HCRTR1: variants seen among roughly 807,000 people sequenced by gnomAD.
HCRTR1 encodes hypocretin receptor 1.
Under a neutral mutation model 40.6 loss-of-function variants are expected in HCRTR1, and 28 were observed. That is an observed-to-expected ratio of 0.69 (90% CI 0.51 to 0.95). The LOEUF is 0.95. Among genes scored for constraint, HCRTR1 ranks in the 40% least tolerant of loss-of-function variants. The pLI is 0.00. For synonymous variants in HCRTR1, 209 were observed against 230.0 expected (o/e 0.91, Z 0.83); for missense variants, 482 against 564.7 (o/e 0.85, Z 1.48).
chr1:31,626,963 A>AC lies in HCRTR1; in HGVS notation c.1263dup (p.Thr422HisfsTer43). ...TGAGCATGTGGTGCTCACCAGCGTCACCACAGTGCTGCCCTGAGCGAGGGC... is the reference window on the plus strand; with the variant it reads ...TGAGCATGTGGTGCTCACCAGCGTCACCCACAGTGCTGCCCTGAGCGAGGGC... On this transcript the variant is annotated frameshift_variant, in exon 9 of 9. Coordinates refer to ENST00000403528, the MANE Select transcript of HCRTR1 (RefSeq NM_001525.3). LOFTEE classifies it high-confidence loss of function. This position sits in a 1 kb window ranked among gnomAD's most constrained non-coding sequence, Gnocchi z 4.6. 6.2e-7 allele frequency: 1 copy of AC among 1,612,676 alleles called. No individual in the cohort carries two copies. The highest frequency in any genetic ancestry group is 1.7e-4 in the Middle Eastern group (1 of 6,056).
chr1:31,619,202 T>A lies in HCRTR1; in HGVS notation c.10T>A (p.Ser4Thr). 6.2e-7 allele frequency: 1 copy of A among 1,611,496 alleles called. No homozygotes were observed. Among genetic ancestry groups the A allele is most frequent in the Non-Finnish European group, 8.5e-7 (1 of 1,179,920 alleles). Residue 4 changes from serine (S) to threonine (T), a missense_variant, in exon 3 of 9, where the codon TCA (serine) becomes ACA (threonine). By Grantham distance (58) the Ser-to-Thr change is moderately conservative (BLOSUM62 1). Transcript: ENST00000403528. Reference protein sequence around the residue: MEPSATPGAQMGVP... With the variant: MEPTATPGAQMGVP... ...AGCGGCTCCTGAGCTCATGGAGCCC[T>A]CAGCCACCCCAGGGGCCCAGATGGG...
In HCRTR1 at chr1:31,627,259, T is replaced by G. The variant is rs919773069; in HGVS notation, c.*279T>G. 6.9e-7 allele frequency: 1 copy of G among 1,441,120 alleles called. No homozygotes were observed. Among genetic ancestry groups the G allele is most frequent in the Non-Finnish European group, 9.2e-7 (1 of 1,086,282 alleles). 89.3% of individuals were successfully genotyped at this position (1,441,120 alleles called of 1,614,324 possible). A position where few individuals can be genotyped will look rare whatever the true frequency, so the allele number is the denominator to read the frequency against. Reference sequence around the variant, plus strand: ...TTTGGCCATACCCCACAGTATAATCTGTCCCCATCCTCCTTCCAGAGCTTG... The same window carrying G: ...TTTGGCCATACCCCACAGTATAATCGGTCCCCATCCTCCTTCCAGAGCTTG... On this transcript the variant is annotated 3_prime_UTR_variant, in exon 9 of 9. Transcript: ENST00000403528.
chr1:31,630,769 A>C (rs766788613), downstream of HCRTR1: 9 of 1,614,078 alleles, frequency 5.6e-6, no homozygotes, highest in Non-Finnish European at 7.6e-6. Context: ...CAGGATTGGC[A>C]GAGCGTGGGC....
downstream of HCRTR1, chr1:31,633,362 C>A: frequency 6.4e-7 from 1 of 1,554,644 alleles, no homozygotes. Flanking sequence ...CAGGAAGGGC[C>A]AGCCTCAGTA....
At chr1:31,624,448 C>CAAAAAAAAAAAAAAAAAA (rs11438872) in intron 7 of HCRTR1, among the ~76,000 whole-genome samples, 1 of 111,046 alleles carries the variant, frequency 9.0e-6, no homozygotes, top group Non-Finnish European at 1.6e-5. Flanking sequence ...ACAGCTGTCT[C>CAAAAAAAAAAAAAAAAAA]AAAAAAAAAA....
At chr1:31,629,767 C>G (rs772972674), downstream of HCRTR1, 2 of 152,240 alleles carry the variant, frequency 1.3e-5, no homozygotes, top group African/African-American at 2.4e-5. Context: ...CAAGCTGCTG[C>G]TTTCTGCATG....
At chr1:31,632,629 T>C (rs1242793392), downstream of HCRTR1, 25 of 1,613,694 alleles carry the variant, frequency 1.5e-5, no homozygotes, top group Non-Finnish European at 2.0e-5. Context: ...CTTGGTCTTG[T>C]CAAACATGTC....
Position 31,620,836 on chromosome 1 carries a change from G to A in HCRTR1, c.379-7G>A, listed in dbSNP as rs200161129. On this transcript the variant is annotated splice_polypyrimidine_tract_variant and splice_region_variant and intron_variant, in intron 4 of 8. Coordinates refer to ENST00000403528, the MANE Select transcript of HCRTR1 (RefSeq NM_001525.3). ...AAAATGACCGACGTTGTGTCCCCGT[G>A]GGGCAGGCTGTGTCCGTGTCAGTGG... is the stretch of plus-strand genomic sequence containing the variant. The A allele has an allele frequency of 4.4e-5, 71 of 1,611,848 alleles. No individual in the cohort carries two copies. In the African/African-American group the frequency reaches 7.9e-4, roughly 18 times the overall value.
rs760718972 is a variant in HCRTR1, at chr1:31,626,778, C to T, written c.1088-12C>T. 6.4e-7 allele frequency: 1 copy of T among 1,551,198 alleles called. No individual in the cohort carries two copies. The highest frequency in any genetic ancestry group is 1.1e-5 in the South Asian group (1 of 89,876). ...GTCTCCTTATGGCTGTGTCTTTTGT[C>T]TCCCAACCAAGGCAAATTCCGGGAG... On this transcript the variant is annotated splice_polypyrimidine_tract_variant and intron_variant, in intron 8 of 8. Transcript: ENST00000403528. This position sits in a 1 kb window ranked among gnomAD's most constrained non-coding sequence, Gnocchi z 4.6.
rs1225507748 is a variant in HCRTR1, at chr1:31,620,942, CG to C, written c.481del (p.Ala161ProfsTer32). ...ACTATTGTTCAAGAGCACAGCCCGG[CG>C]GGCCCGTGGCTCCATCCTGGGCATC... ...HPLLFKSTAR[R>X]ARGSILGIWA... is the part of the protein sequence containing the mutation. On this transcript the variant is annotated frameshift_variant, in exon 5 of 9. Transcript: ENST00000403528. LOFTEE classifies it high-confidence loss of function. 3 of 1,614,130 alleles carry C rather than the reference CG, an allele frequency of 1.9e-6. No individual in the cohort carries two copies. The Admixed American group carries it at 5.0e-5, about 27-fold the overall frequency.
rs1454215383 is a variant in HCRTR1, at chr1:31,619,118, G to T, written c.-75G>T. 1 of 1,351,194 alleles carries T rather than the reference G, an allele frequency of 7.4e-7. No individual in the cohort carries two copies. The highest frequency in any genetic ancestry group is 1.0e-6 in the Non-Finnish European group (1 of 979,478). 83.7% of individuals were successfully genotyped at this position (1,351,194 alleles called of 1,614,324 possible). On this transcript the variant is annotated 5_prime_UTR_variant, in exon 3 of 9. Transcript: ENST00000403528. ...CCAGGCACCCTGAAGGGAGTGGGCTGAGGGCTGGCCCAAGCTCCCTCCTCT... is the reference window on the plus strand; with the variant it reads ...CCAGGCACCCTGAAGGGAGTGGGCTTAGGGCTGGCCCAAGCTCCCTCCTCT...
chr1:31,630,792 C>T, downstream of HCRTR1: 1 of 1,613,456 alleles, frequency 6.2e-7, no homozygotes, highest in South Asian at 1.1e-5. Context: ...TAGCGGGAGA[C>T]CAGAAGCTGG....
At chr1:31,629,649 G>C (rs1028771100), downstream of HCRTR1, among the ~76,000 whole-genome samples, 19 of 152,278 alleles carry the variant, frequency 1.2e-4, no homozygotes, top group East Asian at 3.5e-3. Flanking sequence ...TTCCTAAATA[G>C]ACCTTCAGGC....
chr1:31,630,926 T>C (rs1640083459), downstream of HCRTR1: 7 of 1,143,100 alleles, frequency 6.1e-6, no homozygotes, highest in South Asian at 6.7e-5. Context: ...ATCACAACAG[T>C]TCAAGGAACT....
downstream of HCRTR1, chr1:31,633,279 A>G (rs760744671): frequency 6.2e-7 from 1 of 1,613,906 alleles, no homozygotes. Context: ...TGGAACCAGG[A>G]GTAGGCCTCA....
chr1:31,632,180 CCA>C (rs1640123698), downstream of HCRTR1: 2 of 584,062 alleles, frequency 3.4e-6, no homozygotes, highest in African/African-American at 3.7e-5. Flanking sequence ...GTCACCCAAG[CCA>C]CACACACTGG....
chr1:31,630,509 G>A, downstream of HCRTR1: 4 of 1,156,186 alleles, frequency 3.5e-6, no homozygotes, highest in Non-Finnish European at 5.0e-6. Context: ...AAGGGAGAAT[G>A]TTCTTCTAGA....
At chr1:31,621,807 G>A (rs575934970) in intron 6 of HCRTR1, among the ~76,000 whole-genome samples, 1 of 152,330 alleles carries the variant, frequency 6.6e-6, no homozygotes, top group African/African-American at 2.4e-5. Context: ...TCTATTAGTG[G>A]TTGGCGTTTA....
At chr1:31,630,833 T>C (rs374586693), downstream of HCRTR1, 1 of 1,608,434 alleles carries the variant, frequency 6.2e-7, no homozygotes, top group African/African-American at 1.3e-5. Flanking sequence ...GTAGCCCATT[T>C]GGGACAGAGC....
Sources: gnomAD v4.1 joint callset for allele counts (sites outside exome capture counted in the v4.1 genomes callset) on GRCh38, gnomAD v4.1.1 for gene constraint, Gnocchi (gnomAD v3.1) non-coding constraint, MANE v1.5 for transcripts, NCBI Gene and HGNC (gene_info 2026-07-23, HGNC 2026-07-21) for gene names.